Variants in UNC80 observed in about 807,000 individuals in gnomAD.
UNC80 encodes unc-80 subunit of NALCN channel complex.
In UNC80, 164 loss-of-function variants were observed where a neutral mutation model predicts 384.6. The ratio of observed to expected loss-of-function variants is 0.43; its 90% CI spans 0.38 to 0.49. The LOEUF (loss-of-function observed/expected upper bound fraction) is 0.49, where lower values mean the gene tolerates loss of function less well. Ranked by LOEUF, UNC80 falls within the 20% of genes least tolerant of loss-of-function variation. UNC80 has a pLI of 0.00. For missense variants in UNC80, 3,330 were observed against 4,143.0 expected (o/e 0.80, Z 5.39); for synonymous variants, 1,486 against 1,527.8 (o/e 0.97, Z 0.64).
At chr2:209,970,101 GT>G in intron 53 of UNC80, 1 of 581,276 alleles carries the variant, frequency 1.7e-6, no homozygotes, top group East Asian at 3.1e-5. Flanking sequence ...AGGGATTTTG[GT>G]GTGCTGCTTC....
intron 7 of UNC80, chr2:209,808,831 C>A: frequency 1.7e-5 from 1 of 59,364 alleles, no homozygotes. Flanking sequence ...CGTCAGGAAG[C>A]TCCCTGACCC....
chr2:209,960,469 A>G (rs939623576), intron 51 of UNC80, among the ~76,000 whole-genome samples: 2 of 152,232 alleles, frequency 1.3e-5, no homozygotes. Context: ...TAAGGGTGAT[A>G]AAAATCCCTT....
chr2:209,976,136 G>A lies in UNC80; in HGVS notation c.8605G>A (p.Val2869Ile), dbSNP rs1449836983. The change falls in exon 57 of 65, where the codon GTC (valine) becomes ATC (isoleucine). Residue 2869 changes from valine (V) to isoleucine (I), a missense_variant. Val to Ile is a conservative substitution (Grantham distance 29, BLOSUM62 3). Around this residue, in one of 8 missense-constraint regions of UNC80, gnomAD observed 1,049 missense variants for 1,488.6 expected, o/e 0.70. Transcript: ENST00000673920. This position sits in a 1 kb window ranked among gnomAD's most constrained non-coding sequence, Gnocchi z 4.3. ...GTGTGAAGCGCTGAAGGTGATTCTC[G>A]TCTGCTTTGAGAGGCAGCTCGGAAG... ...AAYLALKVIL[V>I]CFERQLGSQW... The A allele has an allele frequency of 3.9e-6, 6 of 1,551,378 alleles. No homozygotes were observed. Among genetic ancestry groups the A allele is most frequent in the Admixed American group, 2.0e-5 (1 of 50,912 alleles).
At chr2:209,911,897 G>A (rs1294852199) in intron 29 of UNC80, among the ~76,000 whole-genome samples, 1 of 152,162 alleles carries the variant, frequency 6.6e-6, no homozygotes, top group Non-Finnish European at 1.5e-5. Flanking sequence ...TCCTTATGTA[G>A]ATGAATCTCC....
intron 1 of UNC80, 50 bp downstream of exon 1, chr2:209,772,214 C>T (rs1027973813): frequency 1.7e-6 from 2 of 1,191,046 alleles, no homozygotes; most frequent in Admixed American, 8.0e-5. Context: ...TGGGGGCGCT[C>T]CTGGGGCCGC....
chr2:209,865,139 T>A (rs1171231737), intron 22 of UNC80, among the ~76,000 whole-genome samples: 6 of 152,184 alleles, frequency 3.9e-5, no homozygotes, highest in Non-Finnish European at 8.8e-5. Context: ...ACACTGCTTT[T>A]CTTTCTCTCC....
chr2:209,992,129 C>G (rs1326314673), intron 61 of UNC80, 37 bp from the exon 62 acceptor site: 1 of 1,539,142 alleles, frequency 6.5e-7, no homozygotes, highest in East Asian at 2.4e-5. Flanking sequence ...CTCCTGTACT[C>G]TCTCCGGGGT....
chr2:209,982,161 T>C lies in UNC80; in HGVS notation c.9119-18T>C. 2 of 1,549,324 alleles carry C rather than the reference T, an allele frequency of 1.3e-6. No homozygotes were observed. Among genetic ancestry groups the C allele is most frequent in the African/African-American group, 2.7e-5 (2 of 73,122 alleles). On this transcript the variant is annotated intron_variant, in intron 59 of 64. Transcript: ENST00000673920. Reference sequence around the variant, plus strand: ...GTGTCATAGTTTTTGTAACACTCTATTCCTTTGCCCCTTTTAGATGACTCT... The same window carrying C: ...GTGTCATAGTTTTTGTAACACTCTACTCCTTTGCCCCTTTTAGATGACTCT...
chr2:209,773,334 T>A (rs1306347760), intron 2 of UNC80, among the ~76,000 whole-genome samples, 192 bp downstream of exon 2: 2 of 152,192 alleles, frequency 1.3e-5, no homozygotes, highest in Non-Finnish European at 2.9e-5. Context: ...AGTGTTTACA[T>A]CCTAGTAGAA....
chr2:209,950,929 T>C (rs971962295), intron 47 of UNC80, among the ~76,000 whole-genome samples: 12 of 152,056 alleles, frequency 7.9e-5, no homozygotes, highest in Non-Finnish European at 1.6e-4. Flanking sequence ...TCCCAGCACT[T>C]TGGGAGGCCA....
chr2:209,853,819 G>A (rs2082700790), intron 22 of UNC80, among the ~76,000 whole-genome samples: 1 of 152,040 alleles, frequency 6.6e-6, no homozygotes, highest in Admixed American at 6.6e-5. Context: ...ATGCCAGTTT[G>A]CTTTAGGAAC....
chr2:209,903,800 T>G (rs1415057840), intron 28 of UNC80, among the ~76,000 whole-genome samples: 16 of 151,292 alleles, frequency 1.1e-4, no homozygotes, highest in Non-Finnish European at 2.4e-4. Context: ...CTGGCACAGC[T>G]TAGCTAGGTC....
intron 16 of UNC80, 66 bp downstream of exon 16, chr2:209,831,657 C>T (rs913715584): frequency 1.1e-4 from 150 of 1,394,606 alleles, no homozygotes; most frequent in Non-Finnish European, 1.3e-4. Flanking sequence ...TACTCATTGT[C>T]GTGGCCATGA....
chr2:209,931,065 A>G lies in UNC80; in HGVS notation c.5994+11A>G. 6.5e-7 allele frequency: 1 copy of G among 1,531,210 alleles called. No homozygotes were observed. Among genetic ancestry groups the G allele is most frequent in the South Asian group, 1.2e-5 (1 of 81,992 alleles). The allele number at this position is 1,531,210 out of a possible 1,614,324, so 94.9% of individuals were successfully genotyped here. ...CTATTCAACTATTTGGTGAGTTATA[A>G]ATGTTCATTTCCAATTACGAAGCAG... On this transcript the variant is annotated intron_variant, in intron 38 of 64. Transcript: ENST00000673920.
At chr2:209,911,780 T>C (rs2124940449) in intron 29 of UNC80, among the ~76,000 whole-genome samples, 1 of 152,330 alleles carries the variant, frequency 6.6e-6, no homozygotes, top group Non-Finnish European at 1.5e-5. Flanking sequence ...GAATCAGGAC[T>C]CTGGATAAAT....
intron 29 of UNC80, among the ~76,000 whole-genome samples, chr2:209,911,643 GT>G (rs552169957): frequency 2.2e-4 from 34 of 152,072 alleles, no homozygotes; most frequent in African/African-American, 6.5e-4. Flanking sequence ...AAGAAGTTCA[GT>G]TTTTTTTCCC....
chr2:209,870,715 A>T (rs2084221733), intron 22 of UNC80, among the ~76,000 whole-genome samples: 1 of 152,200 alleles, frequency 6.6e-6, no homozygotes, highest in Admixed American at 6.5e-5. Context: ...TGCATTTAAG[A>T]CATATACAAT....
chr2:209,975,091 G>A (rs1356033539), intron 56 of UNC80, among the ~76,000 whole-genome samples: 1 of 152,166 alleles, frequency 6.6e-6, no homozygotes, highest in African/African-American at 2.4e-5. Context: ...GATGGTAAAG[G>A]CATATGTGAC....
chr2:209,851,843 A>G (rs1443976298), intron 22 of UNC80, among the ~76,000 whole-genome samples: 4 of 152,094 alleles, frequency 2.6e-5, no homozygotes, highest in Non-Finnish European at 4.4e-5. Flanking sequence ...CAAGCCCTTC[A>G]GTTTTGTATT....
Sources: gnomAD v4.1 joint callset for allele counts (sites outside exome capture counted in the v4.1 genomes callset) on GRCh38, gnomAD v4.1.1 for gene constraint, gnomAD v4.1.1 regional missense constraint, Gnocchi (gnomAD v3.1) non-coding constraint, MANE v1.5 for transcripts, NCBI Gene and HGNC (gene_info 2026-07-23, HGNC 2026-07-21) for gene names.